FSTL5: variants seen among roughly 807,000 people sequenced by gnomAD.
The protein encoded by FSTL5 is follistatin-related protein 5.
FSTL5 carries 62 observed loss-of-function variants against 89.1 expected under a neutral mutation model. The ratio of observed to expected loss-of-function variants is 0.70; its 90% confidence interval spans 0.57 to 0.86. The LOEUF is 0.86. Among genes scored for constraint, FSTL5 ranks in the 40% least tolerant of loss-of-function variants. The pLI is 0.00. For synonymous variants in FSTL5, 383 were observed against 346.2 expected, an observed-to-expected ratio of 1.11 and a Z score of -1.18; for missense variants, 1,057 against 1,001.6, an observed-to-expected ratio of 1.06 and a Z score of -0.75.
chr4:161,983,803 G>A (rs1196694831), intron 3 of FSTL5, among the ~76,000 whole-genome samples: 2 of 152,040 alleles, frequency 1.3e-5, no homozygotes, highest in Non-Finnish European at 2.9e-5. Flanking sequence ...AAAATTATGT[G>A]ATTCACATTA....
intron 2 of FSTL5, among the ~76,000 whole-genome samples, chr4:162,038,676 A>T (rs1474625570): frequency 6.6e-6 from 1 of 151,870 alleles, no homozygotes; most frequent in Non-Finnish European, 1.5e-5. Context: ...TTTATGACAT[A>T]ATGATTATTA....
intron 6 of FSTL5, among the ~76,000 whole-genome samples, chr4:161,758,902 T>C (rs1740679420): frequency 6.6e-6 from 1 of 152,214 alleles, no homozygotes; most frequent in South Asian, 2.1e-4. Flanking sequence ...AAAATACATT[T>C]AGTCACTCTG....
At chr4:162,017,144 T>C (rs1182296117) in intron 3 of FSTL5, among the ~76,000 whole-genome samples, 2 of 152,202 alleles carry the variant, frequency 1.3e-5, no homozygotes, top group African/African-American at 4.8e-5. Context: ...CAAGTACCCC[T>C]GTGGTTACTC....
chr4:161,495,278 G>T (rs1271150287), intron 12 of FSTL5: 1 of 152,148 alleles, frequency 6.6e-6, no homozygotes, highest in African/African-American at 2.4e-5. Flanking sequence ...GAATAAAAGA[G>T]TGATAGATAA....
chr4:161,667,324 T>C (rs1736936352), intron 6 of FSTL5, among the ~76,000 whole-genome samples: 1 of 152,130 alleles, frequency 6.6e-6, no homozygotes, highest in African/African-American at 2.4e-5. Context: ...TTATGCAGAA[T>C]AGTTTCCATG....
At chr4:161,847,912 T>G (rs1731420231) in intron 4 of FSTL5, among the ~76,000 whole-genome samples, 3 of 151,564 alleles carry the variant, frequency 2.0e-5, no homozygotes, top group Admixed American at 2.0e-4. Flanking sequence ...GGTGTGTGCC[T>G]GTAATCACAG....
At chr4:161,720,201 T>C (rs1185759215) in intron 6 of FSTL5, among the ~76,000 whole-genome samples, 1 of 40,840 alleles carries the variant, frequency 2.4e-5, no homozygotes, top group African/African-American at 6.0e-5. Flanking sequence ...TACAACACAA[T>C]AGCAAAAAAA....
chr4:161,818,774 G>GA (rs1363833735), intron 4 of FSTL5, among the ~76,000 whole-genome samples: 4 of 151,942 alleles, frequency 2.6e-5, no homozygotes, highest in Non-Finnish European at 5.9e-5. Flanking sequence ...CTTCCATACT[G>GA]AAAAAAACCT....
At chr4:161,701,681 T>C (rs975971687) in intron 6 of FSTL5, among the ~76,000 whole-genome samples, 1 of 152,100 alleles carries the variant, frequency 6.6e-6, no homozygotes, top group Non-Finnish European at 1.5e-5. Context: ...AAGCAAATGC[T>C]CCTTGCTATT....
intron 3 of FSTL5, among the ~76,000 whole-genome samples, chr4:162,015,795 C>A (rs1053686334): frequency 6.6e-6 from 1 of 152,136 alleles, no homozygotes; most frequent in African/African-American, 2.4e-5. Context: ...CGTGTTTGTA[C>A]TTGCCATAAA....
At chr4:162,071,952 AT>A (rs932590007) in intron 2 of FSTL5, among the ~76,000 whole-genome samples, 3 of 151,766 alleles carry the variant, frequency 2.0e-5, no homozygotes, top group South Asian at 2.1e-4. Context: ...TTAATATTAG[AT>A]TTTTAACACA....
intron 8 of FSTL5, among the ~76,000 whole-genome samples, chr4:161,574,011 T>C (rs1320009349): frequency 6.6e-6 from 1 of 152,136 alleles, no homozygotes; most frequent in Non-Finnish European, 1.5e-5. Flanking sequence ...CTTGAAGATG[T>C]CTGCATTTAT....
chr4:161,564,279 G>T (rs1462806360), intron 8 of FSTL5, among the ~76,000 whole-genome samples: 1 of 150,698 alleles, frequency 6.6e-6, no homozygotes, highest in Admixed American at 6.6e-5. Flanking sequence ...TTTTAACACA[G>T]TTCCAGTATA....
At chr4:162,026,493 A>G (rs952662181) in intron 3 of FSTL5, among the ~76,000 whole-genome samples, 3 of 151,390 alleles carry the variant, frequency 2.0e-5, no homozygotes, top group South Asian at 2.1e-4. Context: ...TTTTTAGTAG[A>G]GACGGAATTT....
At position 161,409,395 on chromosome 4, in the gene FSTL5, T is replaced by C. The variant is rs560251252; in HGVS notation, c.1842-22946A>G. On this transcript the variant is annotated intron_variant, in intron 15 of 15. Coordinates refer to ENST00000306100, the MANE Select transcript of FSTL5 (RefSeq NM_020116.5). ...TATTATTTTATTATTATTATTATTA[T>C]TTTTTTGAGATGGAGTCTTGCTCTG... Among the ~76,000 whole-genome samples the C allele has an allele frequency of 5.3e-5, 8 of 151,584 alleles. No individual in the cohort carries two copies. The East Asian group carries it at 9.7e-4, about 18-fold the overall frequency.
chr4:161,822,424 G>T (rs1730521088), intron 4 of FSTL5, among the ~76,000 whole-genome samples: 1 of 152,206 alleles, frequency 6.6e-6, no homozygotes, highest in Non-Finnish European at 1.5e-5. Flanking sequence ...TGGCCACTGT[G>T]CACAGCCAGG....
chr4:161,926,943 G>A (rs1194425461), intron 3 of FSTL5, among the ~76,000 whole-genome samples: 4 of 151,826 alleles, frequency 2.6e-5, no homozygotes, highest in African/African-American at 9.7e-5. Flanking sequence ...TAGATTGGTA[G>A]ATACAGAGAC....
At chr4:161,749,808 AAAAT>A (rs1377857311) in intron 6 of FSTL5, among the ~76,000 whole-genome samples, 3 of 151,280 alleles carry the variant, frequency 2.0e-5, no homozygotes, top group African/African-American at 4.8e-5. Context: ...AATAAAAATA[AAAAT>A]AAATAAATAA....
intron 3 of FSTL5, among the ~76,000 whole-genome samples, chr4:161,977,638 A>T (rs1394468581): frequency 0.01 from 1,350 of 132,080 alleles, 36 homozygotes; most frequent in African/African-American, 0.035. Flanking sequence ...AAAAAAAAAA[A>T]AAATAATAAT....
Sources: allele counts gnomAD v4.1 joint callset (sites outside exome capture counted in the v4.1 genomes callset), GRCh38; gene constraint gnomAD v4.1.1; transcripts MANE v1.5; gene names NCBI Gene and HGNC (gene_info 2026-07-23, HGNC 2026-07-21).